Variants in MEGF10 observed in about 807,000 individuals in gnomAD.
The protein encoded by MEGF10 is multiple epidermal growth factor-like domains protein 10.
A neutral mutation model predicts 147.5 loss-of-function variants in MEGF10; 86 were observed. That is an observed-to-expected ratio of 0.58 (90% CI 0.49 to 0.70). The LOEUF is 0.70. Ranked by LOEUF, MEGF10 falls within the 30% of genes least tolerant of loss-of-function variation. The probability of loss-of-function intolerance (pLI) is 0.00; values close to 1 mark genes in which losing one functional copy is unlikely to be tolerated. For missense variants in MEGF10, 1,329 were observed against 1,487.3 expected (o/e 0.89, Z 1.75); for synonymous variants, 478 against 525.5 (o/e 0.91, Z 1.24).
chr5:127,445,786 T>G (rs948196305), intron 20 of MEGF10, 93 bp downstream of exon 20: 5 of 884,140 alleles, frequency 5.7e-6, no homozygotes, highest in Non-Finnish European at 9.4e-6. Flanking sequence ...TGCTGTCCAT[T>G]GTTTCTGTCA....
intron 4 of MEGF10, among the ~76,000 whole-genome samples, chr5:127,358,861 A>G (rs1004657479): frequency 2.6e-5 from 4 of 152,200 alleles, no homozygotes; most frequent in Non-Finnish European, 5.9e-5. Context: ...TACTTACGTT[A>G]CTTAAATCTG....
intron 5 of MEGF10, among the ~76,000 whole-genome samples, chr5:127,389,972 GC>G (rs58573188): frequency 0.033 from 4,951 of 152,212 alleles, 275 homozygotes; most frequent in African/African-American, 0.11. Flanking sequence ...TGATGTAAAT[GC>G]CCAGCAGATA....
chr5:127,246,936 GATTATATTATATATAATAA>G, the MEGF10 span, among the ~76,000 whole-genome samples: 1 of 4,060 alleles, frequency 2.5e-4, no homozygotes. Context: ...AATAATATAT[GATTATATTATATATAATAA>G]ATAATATATA....
intron 1 of MEGF10, among the ~76,000 whole-genome samples, chr5:127,325,647 C>G (rs1760984860): frequency 6.6e-6 from 1 of 151,990 alleles, no homozygotes; most frequent in Non-Finnish European, 1.5e-5. Flanking sequence ...GGGCTGTGAG[C>G]TCCTTCGGGA....
At chr5:127,324,518 T>C (rs963049777) in intron 1 of MEGF10, among the ~76,000 whole-genome samples, 1 of 152,088 alleles carries the variant, frequency 6.6e-6, no homozygotes, top group Non-Finnish European at 1.5e-5. Context: ...TGCTGATTCT[T>C]TCTCTCATTG....
chr5:127,249,292 G>A, the MEGF10 span, among the ~76,000 whole-genome samples: 16 of 151,664 alleles, frequency 1.1e-4, no homozygotes, highest in Non-Finnish European at 2.1e-4. Flanking sequence ...ACTGTGATAA[G>A]TTAAAAATAT....
At chr5:127,376,542 A>G (rs1176515377) in intron 5 of MEGF10, among the ~76,000 whole-genome samples, 1 of 152,164 alleles carries the variant, frequency 6.6e-6, no homozygotes, top group Non-Finnish European at 1.5e-5. Flanking sequence ...GGGCAATGGG[A>G]TGGAGAATCT....
chr5:127,250,306 G>A, the MEGF10 span, among the ~76,000 whole-genome samples: 2 of 151,796 alleles, frequency 1.3e-5, no homozygotes, highest in Admixed American at 6.6e-5. Flanking sequence ...TGGCACATAG[G>A]AAGAATACAT....
intron 11 of MEGF10, among the ~76,000 whole-genome samples, 157 bp from the exon 12 acceptor site, chr5:127,419,887 G>A (rs961912952): frequency 6.6e-6 from 1 of 152,300 alleles, no homozygotes; most frequent in African/African-American, 2.4e-5. Context: ...GTTCATTTCT[G>A]ATGGAGGCCT....
At chr5:127,350,530 C>G (rs946954375) in intron 4 of MEGF10, among the ~76,000 whole-genome samples, 1 of 151,750 alleles carries the variant, frequency 6.6e-6, no homozygotes, top group African/African-American at 2.4e-5. Context: ...TCCATTTTTT[C>G]CCCTTCTTCT....
chr5:127,272,244 G>A, the MEGF10 span, among the ~76,000 whole-genome samples: 1 of 152,106 alleles, frequency 6.6e-6, no homozygotes, highest in South Asian at 2.1e-4. Flanking sequence ...GGTTGTAGGT[G>A]TGCCATCTTA....
the MEGF10 span, among the ~76,000 whole-genome samples, chr5:127,238,870 G>A: frequency 4.0e-5 from 6 of 149,420 alleles, no homozygotes; most frequent in African/African-American, 7.7e-5. Flanking sequence ...TCCTTGTCTG[G>A]TTTCCACAGT....
At chr5:127,437,977 C>T (rs1025296382) in intron 16 of MEGF10, among the ~76,000 whole-genome samples, 1 of 152,150 alleles carries the variant, frequency 6.6e-6, no homozygotes, top group African/African-American at 2.4e-5. Flanking sequence ...TCCTTATCCT[C>T]CTTATGTTTT....
At chr5:127,263,579 C>A in the MEGF10 span, among the ~76,000 whole-genome samples, 11 of 152,110 alleles carry the variant, frequency 7.2e-5, no homozygotes, top group African/African-American at 2.6e-4. Flanking sequence ...TTCCTGAATT[C>A]TAAATTTAGC....
intron 19 of MEGF10, among the ~76,000 whole-genome samples, chr5:127,445,033 G>A (rs574463586): frequency 3.9e-5 from 6 of 152,250 alleles, no homozygotes; most frequent in South Asian, 2.1e-4. Context: ...GTATTTAATC[G>A]GAAATATATA....
At chr5:127,269,984 G>C in the MEGF10 span, among the ~76,000 whole-genome samples, 1 of 152,202 alleles carries the variant, frequency 6.6e-6, no homozygotes, top group Non-Finnish European at 1.5e-5. Context: ...GCCAAACTAA[G>C]CTTCATAAGT....
At chr5:127,254,977 C>G in the MEGF10 span, among the ~76,000 whole-genome samples, 4 of 151,386 alleles carry the variant, frequency 2.6e-5, no homozygotes, top group African/African-American at 9.7e-5. Context: ...GAATTTATTA[C>G]TCAGATCAGC....
intron 16 of MEGF10, among the ~76,000 whole-genome samples, chr5:127,437,046 G>A (rs1198793923): frequency 6.6e-6 from 1 of 152,098 alleles, no homozygotes; most frequent in Non-Finnish European, 1.5e-5. Context: ...ACAAATATAG[G>A]GAGAAAAACC....
chr5:127,453,069 A>G (rs1766217526), intron 22 of MEGF10, among the ~76,000 whole-genome samples: 1 of 152,204 alleles, frequency 6.6e-6, no homozygotes, highest in African/African-American at 2.4e-5. Context: ...GGACACCAAC[A>G]TCAGAACTTG....
Sources: gnomAD v4.1 joint callset for allele counts (sites outside exome capture counted in the v4.1 genomes callset) on GRCh38, gnomAD v4.1.1 for gene constraint, MANE v1.5 for transcripts, NCBI Gene and HGNC (gene_info 2026-07-23, HGNC 2026-07-21) for gene names.